The following SOX5 variants were observed in gnomAD, a reference collection of about 807,000 sequenced individuals.
SOX5 encodes the protein SRY-box transcription factor 5, also known as transcription factor SOX-5.
Under a neutral mutation model 92.0 loss-of-function variants are expected in SOX5, and 9 were observed. The observed-to-expected ratio is 0.10, with a 90% CI of 0.06 to 0.17. SOX5 has a LOEUF of 0.17. Ranked by LOEUF, SOX5 falls within the 10% of genes least tolerant of loss-of-function variation. SOX5 has a pLI of 1.00. For missense variants in SOX5, 642 were observed against 944.5 expected (o/e 0.68, Z 4.20); for synonymous variants, 344 against 336.3 (o/e 1.02, Z -0.25).
chr12:24,337,448 C>A (rs1217686946), intron 2 of SOX5, among the ~76,000 whole-genome samples: 1 of 151,840 alleles, frequency 6.6e-6, no homozygotes, highest in Admixed American at 6.6e-5. Context: ...TCAAGCGATC[C>A]TCCCACCTCA....
At chr12:24,519,815 C>T (rs1485724519) in intron 1 of SOX5, among the ~76,000 whole-genome samples, 1 of 152,044 alleles carries the variant, frequency 6.6e-6, no homozygotes, top group Admixed American at 6.5e-5. Context: ...AATGTAAATC[C>T]AGATTCACAA....
chr12:24,189,001 G>A (rs2139380322), intron 4 of SOX5, among the ~76,000 whole-genome samples: 1 of 152,270 alleles, frequency 6.6e-6, no homozygotes, highest in African/African-American at 2.4e-5. Flanking sequence ...TATTCCACCA[G>A]AAAACACTAC....
At chr12:24,309,062 G>T (rs1221333307) in intron 2 of SOX5, among the ~76,000 whole-genome samples, 2 of 152,144 alleles carry the variant, frequency 1.3e-5, no homozygotes, top group South Asian at 4.1e-4. Context: ...CCTCCAAAAG[G>T]GCTGGGATTT....
At chr12:24,430,884 T>C (rs1453388735) in intron 1 of SOX5, among the ~76,000 whole-genome samples, 4 of 152,206 alleles carry the variant, frequency 2.6e-5, no homozygotes, top group Non-Finnish European at 5.9e-5. Flanking sequence ...GCCTCAAATC[T>C]ACTCATCTTT....
intron 11 of SOX5, among the ~76,000 whole-genome samples, chr12:23,556,708 C>T (rs980547242): frequency 6.6e-6 from 1 of 152,138 alleles, no homozygotes; most frequent in African/African-American, 2.4e-5. Flanking sequence ...AAAACCCATC[C>T]GTAAATCATT....
chr12:23,800,570 C>T (rs1455989990), intron 3 of SOX5, among the ~76,000 whole-genome samples: 1 of 151,706 alleles, frequency 6.6e-6, no homozygotes, highest in Non-Finnish European at 1.5e-5. Context: ...AAAAAAACAA[C>T]TTTGGTATAG....
At chr12:23,777,964 C>G (rs184002858) in intron 3 of SOX5, among the ~76,000 whole-genome samples, 6 of 152,264 alleles carry the variant, frequency 3.9e-5, no homozygotes, top group Admixed American at 3.9e-4. Flanking sequence ...TTTAAAGATA[C>G]ATACTTTTCA....
chr12:24,062,750 A>G (rs1469452445), intron 4 of SOX5, among the ~76,000 whole-genome samples: 2 of 152,232 alleles, frequency 1.3e-5, no homozygotes, highest in Admixed American at 1.3e-4. Flanking sequence ...CCTTCAGAGA[A>G]GTTCTCAGGC....
intron 9 of SOX5, among the ~76,000 whole-genome samples, chr12:23,576,520 ATG>A (rs1341924672): frequency 6.6e-6 from 1 of 152,110 alleles, no homozygotes; most frequent in Admixed American, 6.6e-5. Flanking sequence ...CAAAATCCAG[ATG>A]TGTTTTCTAG....
chr12:24,359,188 T>A (rs1295410517), intron 2 of SOX5, among the ~76,000 whole-genome samples: 1 of 152,222 alleles, frequency 6.6e-6, no homozygotes, highest in Non-Finnish European at 1.5e-5. Context: ...CTTTTTCAAG[T>A]CAGTATAATG....
At chr12:24,022,628 G>C (rs963228815) in intron 4 of SOX5, among the ~76,000 whole-genome samples, 3 of 152,066 alleles carry the variant, frequency 2.0e-5, no homozygotes, top group African/African-American at 7.2e-5. Context: ...TTCCACACTA[G>C]AGTGGCACCT....
At chr12:24,236,947 T>C (rs148362320) in intron 3 of SOX5, among the ~76,000 whole-genome samples, 158 of 151,914 alleles carry the variant, frequency 1.0e-3, no homozygotes, top group African/African-American at 3.7e-3. Context: ...ACTCAGTGAA[T>C]CCTCTAGAAG....
chr12:24,110,473 TAAC>T (rs1947192226), intron 4 of SOX5, among the ~76,000 whole-genome samples: 2 of 152,174 alleles, frequency 1.3e-5, no homozygotes, highest in African/African-American at 4.8e-5. Flanking sequence ...GAAGAGACAA[TAAC>T]AACCACTCAT....
At chr12:23,869,213 T>A (rs1357444522) in intron 2 of SOX5, among the ~76,000 whole-genome samples, 1 of 152,184 alleles carries the variant, frequency 6.6e-6, no homozygotes, top group East Asian at 1.9e-4. Flanking sequence ...GAAAGTACAC[T>A]CTTCATCAAA....
At position 23,631,186 on chromosome 12, in the gene SOX5, T is replaced by C. The variant is rs76046450; in HGVS notation, c.1017+9626A>G. On this transcript the variant is annotated intron_variant, in intron 8 of 14. Transcript: ENST00000451604. ...ACCCCAGCATTTGTTCCTCTTAAGA[T>C]GCATCTGTCTTCACATGGGTCATTG... Among the ~76,000 whole-genome samples, 1,420 of 152,154 alleles carry C rather than the reference T, an allele frequency of 9.3e-3. 21 individuals carry two copies. The highest frequency in any genetic ancestry group is 0.033 in the African/African-American group (1,372 of 41,544).
intron 4 of SOX5, among the ~76,000 whole-genome samples, chr12:24,002,100 T>TA (rs1184525949): frequency 1.3e-5 from 2 of 151,450 alleles, no homozygotes; most frequent in African/African-American, 4.9e-5. Context: ...TAGTAGAAAA[T>TA]AAAAAAAGTT....
intron 4 of SOX5, among the ~76,000 whole-genome samples, chr12:24,104,789 G>A (rs1184359079): frequency 2.6e-5 from 4 of 152,196 alleles, no homozygotes; most frequent in Non-Finnish European, 5.9e-5. Flanking sequence ...CTATCTTGAA[G>A]ACAATATTAT....
At chr12:24,178,619 A>G (rs1047792572) in intron 4 of SOX5, among the ~76,000 whole-genome samples, 2 of 152,230 alleles carry the variant, frequency 1.3e-5, no homozygotes, top group Non-Finnish European at 1.5e-5. Flanking sequence ...TGTAGGCCAG[A>G]TTTGGCCCTT....
chr12:24,140,044 T>C (rs963815774), intron 4 of SOX5, among the ~76,000 whole-genome samples: 1 of 152,230 alleles, frequency 6.6e-6, no homozygotes, highest in African/African-American at 2.4e-5. Context: ...ACAGATTATT[T>C]CTTTAAATTC....
Sources: allele counts gnomAD v4.1 joint callset (sites outside exome capture counted in the v4.1 genomes callset), GRCh38; gene constraint gnomAD v4.1.1; transcripts MANE v1.5; gene names NCBI Gene and HGNC (gene_info 2026-07-23, HGNC 2026-07-21).